The following STX7 variants were observed in gnomAD, a reference collection of about 807,000 sequenced individuals.
The protein encoded by STX7 is syntaxin 7, also known as syntaxin-7.
STX7 carries 34 observed loss-of-function variants against 39.6 expected under a neutral mutation model. That is an observed-to-expected ratio of 0.86 (90% CI 0.65 to 1.14). The LOEUF (loss-of-function observed/expected upper bound fraction) is 1.14. Among genes scored for constraint, STX7 ranks in the 50% most tolerant of loss-of-function variants. STX7 has a pLI of 0.00. For synonymous variants in STX7, 119 were observed against 99.1 expected, an observed-to-expected ratio of 1.20 and a Z score of -1.19; for missense variants, 284 against 310.4, an observed-to-expected ratio of 0.92 and a Z score of 0.64.
At chr6:132,490,074 G>A (rs1275917652) in intron 2 of STX7, among the ~76,000 whole-genome samples, 1 of 152,190 alleles carries the variant, frequency 6.6e-6, no homozygotes, top group Non-Finnish European at 1.5e-5. Context: ...CCTGCTCTGA[G>A]GTAGTCTGGA....
chr6:132,490,965 G>GCAGCA (rs71545037), intron 2 of STX7, among the ~76,000 whole-genome samples: 18,600 of 127,436 alleles, frequency 0.15, 1,578 homozygotes, highest in African/African-American at 0.19. Context: ...GTCCCTCAGT[G>GCAGCA]CAGCACAGCA....
rs1775625849 is a variant in STX7, at chr6:132,503,431, T to C, written c.85+15A>G. 6.2e-7 allele frequency: 1 copy of C among 1,610,214 alleles called. No homozygotes were observed. The highest frequency in any genetic ancestry group is 1.7e-5 in the Admixed American group (1 of 59,936). On this transcript the variant is annotated intron_variant, in intron 2 of 9. Coordinates refer to ENST00000367941, the MANE Select transcript of STX7 (RefSeq NM_003569.3). Reference sequence around the variant, plus strand: ...GTGGATACAAATAGTGAAGTCCATTTAAAACTCAACTCACAACACTGTGTG... The same window carrying C: ...GTGGATACAAATAGTGAAGTCCATTCAAAACTCAACTCACAACACTGTGTG...
At chr6:132,462,800 C>T (rs1167081136) in intron 9 of STX7, among the ~76,000 whole-genome samples, 6 of 152,062 alleles carry the variant, frequency 3.9e-5, no homozygotes, top group Admixed American at 6.6e-5. Context: ...TTACTTATCA[C>T]TGAATATGCA....
chr6:132,453,708 T>C lies in STX7; in HGVS notation c.*7050A>G, dbSNP rs1008898314. On this transcript the variant is annotated 3_prime_UTR_variant, in exon 10 of 10. Coordinates refer to ENST00000367941, the MANE Select transcript of STX7 (RefSeq NM_003569.3). ...ATCATTGCCATTAGCGAAGGGAAAA[T>C]GGTAAATCAAAACTGCAATGAGCTG... The C allele has an allele frequency of 6.6e-6, 1 of 151,268 alleles. No individual in the cohort carries two copies. The allele number at this position is 151,268 out of a possible 1,614,324, so 9.4% of individuals were successfully genotyped here. A position where few individuals can be genotyped will look rare whatever the true frequency, so the allele number is the denominator to read the frequency against.
intron 2 of STX7, among the ~76,000 whole-genome samples, chr6:132,477,746 C>A (rs528272980): frequency 7.6e-4 from 116 of 152,008 alleles, no homozygotes; most frequent in African/African-American, 2.7e-3. Context: ...GTACATATAT[C>A]ACAAGTATAT....
intron 2 of STX7, among the ~76,000 whole-genome samples, chr6:132,482,729 T>C (rs1429608944): frequency 6.6e-6 from 1 of 152,216 alleles, no homozygotes; most frequent in Admixed American, 6.5e-5. Context: ...GTGCTCAAAG[T>C]AAGTTTAGGT....
At chr6:132,484,816 G>A (rs1198964220) in intron 2 of STX7, among the ~76,000 whole-genome samples, 1 of 152,058 alleles carries the variant, frequency 6.6e-6, no homozygotes, top group Non-Finnish European at 1.5e-5. Flanking sequence ...TGCTGACCCT[G>A]GGCAATTTAC....
chr6:132,455,505 C>T lies in STX7; in HGVS notation c.*5253G>A, dbSNP rs2114329127. The T allele has an allele frequency of 1.3e-5, 2 of 152,258 alleles. No homozygotes were observed. Among genetic ancestry groups the T allele is most frequent in the South Asian group, 4.1e-4 (2 of 4,828 alleles). The allele number at this position is 152,258 out of a possible 1,614,324, so 9.4% of individuals were successfully genotyped here. A position where few individuals can be genotyped will look rare whatever the true frequency, so the allele number is the denominator to read the frequency against. ...ATTCAATTCAGTTCTAGAAAACTCC[C>T]TCGTCAACAAGTAGAGGTGTTGTGC... On this transcript the variant is annotated 3_prime_UTR_variant, in exon 10 of 10. Transcript: ENST00000367941.
rs139914198 is a variant in STX7 at position 132,468,422 on chromosome 6, A to G, written c.591T>C (p.His197=). 1.7e-5 allele frequency: 27 copies of G among 1,608,900 alleles called. No individual in the cohort carries two copies. The highest frequency in any genetic ancestry group is 2.7e-5 in the African/African-American group (2 of 74,598). ...TCTTACCTATTACATCTCCTTGTTC[A>G]TGAATCATCATTCCCAAATCTTTAA... ...EIFKDLGMMI[H]EQGDVIDSIE... is the part of the protein sequence containing the mutation. The change falls in exon 8 of 10, where the codon CAT becomes CAC. Residue 197 remains histidine (H), a synonymous_variant. Transcript: ENST00000367941.
At chr6:132,496,859 C>A (rs940234935) in intron 2 of STX7, among the ~76,000 whole-genome samples, 2 of 152,186 alleles carry the variant, frequency 1.3e-5, no homozygotes, top group African/African-American at 4.8e-5. Context: ...AGCTCAGCTA[C>A]ACTCTAAAAA....
At chr6:132,473,294 T>A (rs906806603) in intron 3 of STX7, among the ~76,000 whole-genome samples, 3 of 152,184 alleles carry the variant, frequency 2.0e-5, no homozygotes, top group Admixed American at 2.0e-4. Context: ...ATTATAGTCA[T>A]CCCTCAGTAT....
At chr6:132,489,520 A>G (rs569772897) in intron 2 of STX7, among the ~76,000 whole-genome samples, 11 of 152,332 alleles carry the variant, frequency 7.2e-5, no homozygotes, top group Non-Finnish European at 1.3e-4. Flanking sequence ...TAGCACTAGT[A>G]TATCTCATGC....
chr6:132,506,848 AT>A (rs1163879653), intron 1 of STX7, among the ~76,000 whole-genome samples: 12 of 152,210 alleles, frequency 7.9e-5, no homozygotes, highest in Non-Finnish European at 1.5e-4. Flanking sequence ...TCATATGTCT[AT>A]TGTAGCAATA....
At chr6:132,507,426 G>A (rs143162293) in intron 1 of STX7, among the ~76,000 whole-genome samples, 23 of 152,174 alleles carry the variant, frequency 1.5e-4, no homozygotes, top group African/African-American at 5.1e-4. Context: ...TTTCTATTAC[G>A]CTAAAAGGAA....
intron 1 of STX7, among the ~76,000 whole-genome samples, chr6:132,511,764 A>G (rs896863186): frequency 2.0e-5 from 3 of 152,230 alleles, no homozygotes; most frequent in Non-Finnish European, 4.4e-5. Context: ...TCACACATGA[A>G]ACTTGCAAAT....
intron 3 of STX7, among the ~76,000 whole-genome samples, chr6:132,473,926 A>G (rs1774803965): frequency 6.6e-6 from 1 of 151,626 alleles, no homozygotes; most frequent in African/African-American, 2.4e-5. Context: ...AATATAGTCA[A>G]AGTTTTAAAA....
intron 3 of STX7, among the ~76,000 whole-genome samples, chr6:132,474,286 CATT>C (rs1018346851): frequency 6.8e-5 from 10 of 145,998 alleles, no homozygotes; most frequent in Admixed American, 4.8e-4. Context: ...TCAGAATCTT[CATT>C]ATTAACTCTA....
intron 9 of STX7, chr6:132,461,643 G>T (rs1774402236): frequency 3.5e-6 from 2 of 575,552 alleles, no homozygotes; most frequent in Non-Finnish European, 3.0e-6. Context: ...AAAATACAAT[G>T]ATTTTGGAAT....
At chr6:132,498,287 T>G (rs1296682006) in intron 2 of STX7, among the ~76,000 whole-genome samples, 1 of 152,038 alleles carries the variant, frequency 6.6e-6, no homozygotes, top group Non-Finnish European at 1.5e-5. Flanking sequence ...TATTTAAATA[T>G]TTTATGCTTA....
Sources: gnomAD v4.1 joint callset for allele counts (sites outside exome capture counted in the v4.1 genomes callset) on GRCh38, gnomAD v4.1.1 for gene constraint, MANE v1.5 for transcripts, NCBI Gene and HGNC (gene_info 2026-07-23, HGNC 2026-07-21) for gene names.